Variants in POM121 observed in about 807,000 individuals in gnomAD.
POM121 encodes the protein POM121 transmembrane nucleoporin, also known as nuclear envelope pore membrane protein POM 121.
POM121 carries 32 observed loss-of-function variants against 81.3 expected under a neutral mutation model. The ratio of observed to expected loss-of-function variants is 0.39; its 90% confidence interval spans 0.30 to 0.53. The LOEUF (loss-of-function observed/expected upper bound fraction) is 0.53. Ranked by LOEUF, POM121 falls within the 20% of genes least tolerant of loss-of-function variation. The pLI is 0.66. For missense variants in POM121, 1,138 were observed against 1,614.6 expected (o/e 0.70, Z 5.06); for synonymous variants, 514 against 694.2 (o/e 0.74, Z 4.08).
At chr7:72,920,370 T>C (rs1288998338), upstream of POM121, among the ~76,000 whole-genome samples, 2 of 147,516 alleles carry the variant, frequency 1.4e-5, no homozygotes, top group East Asian at 1.9e-4. Context: ...TTTTTTTTAG[T>C]TGGAGTCTGG....
downstream of POM121, chr7:72,948,406 C>T (rs185633253): frequency 5.3e-5 from 86 of 1,613,348 alleles, 2 homozygotes; most frequent in East Asian, 1.4e-3. Context: ...CTGCTGCCTG[C>T]GGTGAGGGCC....
At chr7:72,892,581 C>G (rs1181813432) in intron 3 of POM121, among the ~76,000 whole-genome samples, 3 of 152,204 alleles carry the variant, frequency 2.0e-5, no homozygotes, top group Non-Finnish European at 4.4e-5. Flanking sequence ...TTTCCTTCAT[C>G]TGCATTTCAC....
chr7:72,889,052 G>A (rs1472682547), intron 1 of POM121, among the ~76,000 whole-genome samples: 7 of 152,016 alleles, frequency 4.6e-5, no homozygotes, highest in Non-Finnish European at 8.8e-5. Context: ...GATTTTGTTT[G>A]GTTATGTTTC....
rs1345249763 is a variant in POM121, at chr7:72,946,026, A to T, written c.3653-111A>T. On this transcript the variant is annotated intron_variant, in intron 12 of 12. Transcript: ENST00000434423. The stretch of plus-strand genomic sequence containing the variant: ...TTTCTGATGCAGCGGGGAAAGCCCT[A>T]TTGAGGCACCCTGTGTTTTATTACT... 4.6e-5 allele frequency: 68 copies of T among 1,483,960 alleles called. 1 individual carries two copies. The highest frequency in any genetic ancestry group is 5.8e-5 in the Non-Finnish European group (65 of 1,115,612). The allele number at this position is 1,483,960 out of a possible 1,614,324, so 91.9% of individuals were successfully genotyped here.
At chr7:72,948,338 T>G (rs2129581395), downstream of POM121, 4 of 1,609,054 alleles carry the variant, frequency 2.5e-6, no homozygotes, top group East Asian at 6.7e-5. Flanking sequence ...GCAACACTTT[T>G]GCTCACCAGC....
intron 2 of POM121, 120 bp from the exon 3 acceptor site, chr7:72,926,682 T>A: frequency 6.7e-7 from 1 of 1,498,658 alleles, no homozygotes; most frequent in Non-Finnish European, 9.0e-7. Context: ...GGAACTGCTG[T>A]GAGTGTATAA....
chr7:72,881,573 A>G (rs1230089029), intron 1 of POM121, among the ~76,000 whole-genome samples: 1 of 151,412 alleles, frequency 6.6e-6, no homozygotes, highest in Non-Finnish European at 1.5e-5. Flanking sequence ...CTGCTTGTGT[A>G]TATGTTCCTC....
At chr7:72,948,457 C>T, downstream of POM121, 1 of 1,613,444 alleles carries the variant, frequency 6.2e-7, no homozygotes, top group Non-Finnish European at 8.5e-7. Flanking sequence ...TCCTTTCCCA[C>T]CAGGAAGGAG....
Position 72,931,698 on chromosome 7 carries a change from G to C in POM121, c.1275+1587G>C, listed in dbSNP as rs541935059. On this transcript the variant is annotated intron_variant, in intron 5 of 12. Transcript: ENST00000434423. ...CGATTCTCCTGCCTCAGCCTCCCAA[G>C]TAGTTGAGACTATAGGTGCCCGCCA... 5.9e-5 allele frequency among the ~76,000 whole-genome samples: 9 copies of C among 151,854 alleles called. No homozygotes were observed. The South Asian group carries it at 1.7e-3, about 28-fold the overall frequency.
chr7:72,923,190 G>C (rs1164634183), upstream of POM121, among the ~76,000 whole-genome samples: 1 of 147,152 alleles, frequency 6.8e-6, no homozygotes, highest in Non-Finnish European at 1.5e-5. Context: ...ATTGCTTTGG[G>C]ACTGGGTTGG....
rs1157702308 is a variant in POM121 at position 72,941,720 on chromosome 7, A to G, written c.1844-117A>G. ...CTGTAGTGTAGACTTAGCTGAGTTT[A>G]TTGACTGACTCTTGGATCCCAGGCT... On this transcript the variant is annotated intron_variant, in intron 10 of 12. Transcript: ENST00000434423. 2.6e-5 allele frequency: 33 copies of G among 1,249,052 alleles called. No homozygotes were observed. In the East Asian group the frequency reaches 7.7e-4, roughly 29 times the overall value. The allele number at this position is 1,249,052 out of a possible 1,614,324, so 77.4% of individuals were successfully genotyped here. A position where few individuals can be genotyped will look rare whatever the true frequency, so the allele number is the denominator to read the frequency against.
chr7:72,892,607 A>G (rs1310901145), intron 3 of POM121, among the ~76,000 whole-genome samples: 2 of 152,040 alleles, frequency 1.3e-5, no homozygotes, highest in African/African-American at 4.8e-5. Flanking sequence ...GAGATAATAC[A>G]TATTTTCCCT....
At chr7:72,935,275 C>T (rs1202037207) in intron 5 of POM121, among the ~76,000 whole-genome samples, 2 of 151,954 alleles carry the variant, frequency 1.3e-5, no homozygotes, top group African/African-American at 4.8e-5. Context: ...CAGGCTCAAG[C>T]GATTCTCCTG....
chr7:72,920,575 TG>T (rs1234805491), upstream of POM121, among the ~76,000 whole-genome samples: 3 of 152,060 alleles, frequency 2.0e-5, no homozygotes, highest in South Asian at 2.1e-4. Flanking sequence ...AGGATGGTCT[TG>T]ATCTCCTGAC....
chr7:72,884,478 A>G (rs1331815525), intron 1 of POM121, among the ~76,000 whole-genome samples: 20 of 21,830 alleles, frequency 9.2e-4, no homozygotes, highest in East Asian at 1.2e-3. Context: ...GATAGCAAAT[A>G]TATACATATA....
At chr7:72,930,575 T>C (rs782687848) in intron 5 of POM121, among the ~76,000 whole-genome samples, 1 of 150,002 alleles carries the variant, frequency 6.7e-6, no homozygotes, top group Non-Finnish European at 1.5e-5. Flanking sequence ...AAGAGATTTA[T>C]CTTATAGGCG....
rs1554497012 is a variant in POM121 at position 72,925,418 on chromosome 7, G to A, written c.297G>A (p.Ala99=). Residue 99 remains alanine (A), a synonymous_variant, in exon 1 of 13, where the codon GCG becomes GCA. Transcript: ENST00000434423. ...CCTTGTCCTCCTTCGTTCGGAAGGC[G>A]CGTCATCGGCGAACACTGTTCGCTT... ...RRPLSSFVRK[A]RHRRTLFASP... is the part of the protein sequence containing the mutation. 1.3e-6 allele frequency: 2 copies of A among 1,533,904 alleles called. No individual in the cohort carries two copies. The highest frequency in any genetic ancestry group is 2.0e-5 in the Admixed American group (1 of 50,982).
chr7:72,884,353 G>A (rs9770920), intron 1 of POM121, among the ~76,000 whole-genome samples: 2 of 151,120 alleles, frequency 1.3e-5, no homozygotes, highest in South Asian at 2.1e-4. Flanking sequence ...GATAGTAAAT[G>A]TTTCAGTACA....
rs140010950 is a variant in POM121, at chr7:72,926,875, G to C, written c.934G>C (p.Val312Leu). 6 of 1,614,006 alleles carry C rather than the reference G, an allele frequency of 3.7e-6. No individual in the cohort carries two copies. The East Asian group carries it at 1.3e-4, about 36-fold the overall frequency. The part of the protein sequence containing the change: ...NAPDPCAKET[V>L]LSALKEKEKK... ...CCCAGACCCATGTGCAAAGGAGACA[G>C]TACTGAGTGCCCTCAAAGAGAAGGA... Residue 312 changes from valine (V) to leucine (L), a missense_variant, in exon 3 of 13, where the codon GTA becomes CTA. Coordinates refer to ENST00000434423, the MANE Select transcript of POM121 (RefSeq NM_001387691.1).
Sources: allele counts gnomAD v4.1 joint callset (sites outside exome capture counted in the v4.1 genomes callset), GRCh38; gene constraint gnomAD v4.1.1; transcripts MANE v1.5; gene names NCBI Gene and HGNC (gene_info 2026-07-23, HGNC 2026-07-21).